SLC16A12: variants seen among roughly 807,000 people sequenced by gnomAD.
SLC16A12 encodes the protein solute carrier family 16 member 12.
SLC16A12 carries 17 observed loss-of-function variants against 42.4 expected under a neutral mutation model. The observed-to-expected ratio is 0.40, with a 90% CI of 0.27 to 0.60. The LOEUF is 0.60. Ranked by LOEUF, SLC16A12 falls within the 20% of genes least tolerant of loss-of-function variation. SLC16A12 has a pLI of 0.42. For missense variants in SLC16A12, 544 were observed against 623.0 expected, an observed-to-expected ratio of 0.87 and a Z score of 1.35; for synonymous variants, 224 against 229.4, an observed-to-expected ratio of 0.98 and a Z score of 0.21.
At chr10:89,498,227 G>A (rs1370506375) in intron 2 of SLC16A12, among the ~76,000 whole-genome samples, 5 of 152,132 alleles carry the variant, frequency 3.3e-5, no homozygotes, top group African/African-American at 1.2e-4. Flanking sequence ...GGTAGAGGGT[G>A]GGGGTGAGGT....
chr10:89,540,532 A>T (rs1843708907), upstream of SLC16A12, among the ~76,000 whole-genome samples: 1 of 152,114 alleles, frequency 6.6e-6, no homozygotes, highest in Admixed American at 6.5e-5. Flanking sequence ...CAGCCTCATG[A>T]CTGTAGCTAA....
At chr10:89,457,743 C>T (rs1272091920) in intron 3 of SLC16A12, among the ~76,000 whole-genome samples, 1 of 152,100 alleles carries the variant, frequency 6.6e-6, no homozygotes, top group Non-Finnish European at 1.5e-5. Flanking sequence ...AACTAAGCAC[C>T]CTTTATTCCA....
chr10:89,533,638 A>T (rs772632495), intron 2 of SLC16A12, among the ~76,000 whole-genome samples: 1 of 152,176 alleles, frequency 6.6e-6, no homozygotes, highest in Non-Finnish European at 1.5e-5. Flanking sequence ...CCAAGGAAAG[A>T]TGGGGGTAGA....
chr10:89,494,623 T>G (rs1276638057), intron 2 of SLC16A12, among the ~76,000 whole-genome samples: 2 of 152,100 alleles, frequency 1.3e-5, no homozygotes, highest in African/African-American at 4.8e-5. Flanking sequence ...ACAAAAGATG[T>G]CAAACACATT....
Position 89,438,647 on chromosome 10 carries a change from C to A in SLC16A12, c.985G>T (p.Asp329Tyr), listed in dbSNP as rs780124609. ...AFLMSILGVIDIIGNITFGWL... is the reference protein window; with the variant it reads ...AFLMSILGVIYIIGNITFGWL... ...CCAAATGTGATATTGCCAATAATGT[C>A]AATCACTCCAAGTATGGACATAAGA... is the stretch of plus-strand genomic sequence containing the variant. The change falls in exon 6 of 8, where the codon GAC becomes TAC. Residue 329 changes from aspartate to tyrosine, a missense_variant. Physicochemically the swap from Asp to Tyr is radical, Grantham distance 160. Transcript: ENST00000371790. The A allele has an allele frequency of 4.3e-6, 7 of 1,613,770 alleles. No individual in the cohort carries two copies. In the South Asian group the frequency reaches 7.7e-5, roughly 18 times the overall value.
At chr10:89,532,476 A>G (rs1027499472) in intron 2 of SLC16A12, among the ~76,000 whole-genome samples, 1 of 152,108 alleles carries the variant, frequency 6.6e-6, no homozygotes, top group African/African-American at 2.4e-5. Flanking sequence ...AAATCCCCCA[A>G]CCTCTTCAAC....
At chr10:89,501,670 G>A (rs866400038) in intron 2 of SLC16A12, among the ~76,000 whole-genome samples, 1 of 152,096 alleles carries the variant, frequency 6.6e-6, no homozygotes, top group South Asian at 2.1e-4. Context: ...AGAATCACTC[G>A]AACCCAGGAG....
At position 89,451,025 on chromosome 10, in the gene SLC16A12, T is replaced by G. The variant is rs1172531790; in HGVS notation, c.201-7166A>C. On this transcript the variant is annotated intron_variant, in intron 3 of 7. Transcript: ENST00000371790. Reference sequence around the variant, plus strand: ...CCAGAAGCAATAGTTTGCATCACTGTGCAACTTGGAAAAGCCTTATATGGA... The same window carrying G: ...CCAGAAGCAATAGTTTGCATCACTGGGCAACTTGGAAAAGCCTTATATGGA... 2.0e-5 allele frequency among the ~76,000 whole-genome samples: 3 copies of G among 152,332 alleles called. No homozygotes were observed. The East Asian group carries it at 5.8e-4, about 29-fold the overall frequency.
At chr10:89,478,594 C>G (rs369400831) in intron 2 of SLC16A12, among the ~76,000 whole-genome samples, 1 of 152,194 alleles carries the variant, frequency 6.6e-6, no homozygotes, top group South Asian at 2.1e-4. Context: ...AAAGATGAAA[C>G]TCATCTGTGA....
At chr10:89,476,288 T>C (rs1288740071) in intron 2 of SLC16A12, among the ~76,000 whole-genome samples, 1 of 152,228 alleles carries the variant, frequency 6.6e-6, no homozygotes, top group African/African-American at 2.4e-5. Context: ...AGAACAGTGC[T>C]GCTCTCCATA....
chr10:89,554,236 G>A (rs780551277), intron 2 of SLC16A12, among the ~76,000 whole-genome samples: 2 of 151,994 alleles, frequency 1.3e-5, no homozygotes, highest in African/African-American at 2.4e-5. Context: ...AGAAAAATCT[G>A]GCCTCAGAGA....
intron 3 of SLC16A12, among the ~76,000 whole-genome samples, chr10:89,458,338 G>C (rs569688016): frequency 8.6e-4 from 131 of 152,240 alleles, no homozygotes; most frequent in Non-Finnish European, 1.2e-3. Flanking sequence ...TGCTCTTCAT[G>C]GTTCTTCCAC....
At chr10:89,505,862 T>C (rs937066428) in intron 2 of SLC16A12, among the ~76,000 whole-genome samples, 1 of 152,154 alleles carries the variant, frequency 6.6e-6, no homozygotes, top group Non-Finnish European at 1.5e-5. Context: ...AGCGCAGCAG[T>C]CTGAGATCGA....
chr10:89,472,113 C>T (rs1842504078), intron 2 of SLC16A12, among the ~76,000 whole-genome samples: 1 of 152,032 alleles, frequency 6.6e-6, no homozygotes, highest in African/African-American at 2.4e-5. Flanking sequence ...AGAGCAGAAG[C>T]CATTAATTTT....
At chr10:89,555,057 G>A (rs149976087) in intron 2 of SLC16A12, among the ~76,000 whole-genome samples, 37 of 152,150 alleles carry the variant, frequency 2.4e-4, no homozygotes, top group African/African-American at 8.9e-4. Context: ...TAAGCCCCTA[G>A]CACCTAGAAA....
At chr10:89,493,903 A>T (rs2133810880) in intron 2 of SLC16A12, among the ~76,000 whole-genome samples, 2 of 152,062 alleles carry the variant, frequency 1.3e-5, no homozygotes, top group East Asian at 3.9e-4. Flanking sequence ...GCAAACTATA[A>T]AAAAAAATCG....
intron 2 of SLC16A12, among the ~76,000 whole-genome samples, chr10:89,551,602 G>T (rs1843771541): frequency 6.6e-6 from 1 of 152,176 alleles, no homozygotes; most frequent in Non-Finnish European, 1.5e-5. Context: ...ATTCCCATGT[G>T]TTGTGGGAGG....
chr10:89,497,636 T>C (rs1169329442), intron 2 of SLC16A12, among the ~76,000 whole-genome samples: 2 of 152,116 alleles, frequency 1.3e-5, no homozygotes, highest in Admixed American at 6.5e-5. Context: ...AGAATTAAAC[T>C]CAAGTCTCCT....
At chr10:89,438,489 T>C (rs565311977) in intron 6 of SLC16A12, 115 bp downstream of exon 6, 3 of 973,608 alleles carry the variant, frequency 3.1e-6, no homozygotes, top group Non-Finnish European at 4.6e-6. Flanking sequence ...CTTCAGATAC[T>C]GCAGACTTGT....
Sources: gnomAD v4.1 joint callset for allele counts (sites outside exome capture counted in the v4.1 genomes callset) on GRCh38, gnomAD v4.1.1 for gene constraint, MANE v1.5 for transcripts, NCBI Gene and HGNC (gene_info 2026-07-23, HGNC 2026-07-21) for gene names.